The following CACNA2D2 variants were observed in gnomAD, a reference collection of about 807,000 sequenced individuals.
The protein encoded by CACNA2D2 is calcium voltage-gated channel auxiliary subunit alpha2delta 2, also known as voltage-dependent calcium channel subunit alpha-2/delta-2.
In CACNA2D2, 48 loss-of-function variants were observed where a neutral mutation model predicts 166.4. The observed-to-expected ratio is 0.29, with a 90% CI of 0.23 to 0.37. The LOEUF (loss-of-function observed/expected upper bound fraction) is 0.37. CACNA2D2 is among the 10% of genes least tolerant of loss of function. The probability of loss-of-function intolerance (pLI) is 1.00; values close to 1 mark genes in which losing one functional copy is unlikely to be tolerated. For missense variants in CACNA2D2, 1,122 were observed against 1,433.0 expected (o/e 0.78, Z 3.50); for synonymous variants, 561 against 573.7 (o/e 0.98, Z 0.32).
At chr3:50,449,861 C>G (rs1418193841) in intron 2 of CACNA2D2, among the ~76,000 whole-genome samples, 1 of 152,176 alleles carries the variant, frequency 6.6e-6, no homozygotes, top group Admixed American at 6.5e-5. Flanking sequence ...GGAGAGAGAC[C>G]TAGGGCTGGG....
At chr3:50,364,829 G>C in intron 37 of CACNA2D2, 23 bp from the exon 38 acceptor site, 5 of 1,612,998 alleles carry the variant, frequency 3.1e-6, no homozygotes, top group Non-Finnish European at 3.4e-6. Flanking sequence ...ACAAGGAGCT[G>C]GTCGGCCTGG....
In CACNA2D2 at chr3:50,427,745, G is replaced by C; in HGVS notation, c.405+6568C>G. On this transcript the variant is annotated intron_variant, in intron 3 of 37. Transcript: ENST00000424201. This position sits in a 1 kb window ranked among gnomAD's most constrained non-coding sequence, Gnocchi z 4.7. ...GAGGCTGAGCCCCAGCCACAACCCAGAGCCACAGCGCTGGCAACTGTTCTA... is the reference window on the plus strand; with the variant it reads ...GAGGCTGAGCCCCAGCCACAACCCACAGCCACAGCGCTGGCAACTGTTCTA... Among the ~76,000 whole-genome samples the C allele has an allele frequency of 6.6e-6, 1 of 152,336 alleles. No homozygotes were observed. Among genetic ancestry groups the C allele is most frequent in the East Asian group, 1.9e-4 (1 of 5,184 alleles).
At chr3:50,446,608 C>T (rs538404652) in intron 2 of CACNA2D2, among the ~76,000 whole-genome samples, 8 of 152,204 alleles carry the variant, frequency 5.3e-5, no homozygotes, top group East Asian at 1.9e-4. Context: ...TGAAAGTCAG[C>T]GGGGTCAGCT....
intron 2 of CACNA2D2, among the ~76,000 whole-genome samples, chr3:50,461,359 T>C (rs1389381835): frequency 1.3e-5 from 2 of 152,172 alleles, no homozygotes; most frequent in African/African-American, 4.8e-5. Flanking sequence ...AAATCTCTGT[T>C]GAGCGTTGGG....
intron 3 of CACNA2D2, among the ~76,000 whole-genome samples, chr3:50,410,880 ATG>A (rs143016186): frequency 6.6e-6 from 1 of 152,068 alleles, no homozygotes; most frequent in Non-Finnish European, 1.5e-5. Flanking sequence ...GAGAAGGAGG[ATG>A]TGTGTGTGTG....
chr3:50,440,690 A>T (rs1349528777), intron 2 of CACNA2D2, among the ~76,000 whole-genome samples: 2 of 152,116 alleles, frequency 1.3e-5, no homozygotes, highest in African/African-American at 4.8e-5. Flanking sequence ...GCGGCCCATT[A>T]ATAGCACTAT....
Position 50,394,101 on chromosome 3 carries a change from G to A in CACNA2D2, c.465+8C>T. 6.2e-7 allele frequency: 1 copy of A among 1,613,810 alleles called. No individual in the cohort carries two copies. Among genetic ancestry groups the A allele is most frequent in the South Asian group, 1.1e-5 (1 of 91,078 alleles). ...CCTAAGTGCTGGGCAGGGTGCTGGG[G>A]TTCCTACCTTGATGTTGTCCTGCCA... On this transcript the variant is annotated splice_region_variant and intron_variant, in intron 4 of 37. Coordinates refer to ENST00000424201, the MANE Select transcript of CACNA2D2 (RefSeq NM_006030.4).
chr3:50,447,922 T>G (rs1385493114), intron 2 of CACNA2D2, among the ~76,000 whole-genome samples: 1 of 152,126 alleles, frequency 6.6e-6, no homozygotes, highest in Non-Finnish European at 1.5e-5. Context: ...CACAGAGGTC[T>G]AAGCAGGGAG....
chr3:50,379,046 G>A lies in CACNA2D2; in HGVS notation c.1260+46C>T, dbSNP rs1433506074. 6.2e-7 allele frequency: 1 copy of A among 1,613,470 alleles called. No homozygotes were observed. Among genetic ancestry groups the A allele is most frequent in the Admixed American group, 1.7e-5 (1 of 60,030 alleles). On this transcript the variant is annotated intron_variant, in intron 12 of 37. Coordinates refer to ENST00000424201, the MANE Select transcript of CACNA2D2 (RefSeq NM_006030.4). This position sits in a 1 kb window ranked among gnomAD's most constrained non-coding sequence, Gnocchi z 6.5. Reference sequence around the variant, plus strand: ...GGCCACCAGGGGACAGCCCTCTTCTGTACTGGGCCCAGGTCAGGGTAGCCC... The same window carrying A: ...GGCCACCAGGGGACAGCCCTCTTCTATACTGGGCCCAGGTCAGGGTAGCCC...
chr3:50,423,522 G>C (rs905703821), intron 3 of CACNA2D2, among the ~76,000 whole-genome samples: 2 of 152,188 alleles, frequency 1.3e-5, no homozygotes, highest in Admixed American at 1.3e-4. Context: ...GCAGTCCTGT[G>C]GGATGAATAT....
At chr3:50,475,575 C>G (rs967833919) in intron 2 of CACNA2D2, among the ~76,000 whole-genome samples, 4 of 152,228 alleles carry the variant, frequency 2.6e-5, no homozygotes, top group Non-Finnish European at 5.9e-5. Context: ...CTTCACATCA[C>G]TATTTCAAAC....
chr3:50,497,376 TG>T (rs1698767078), intron 1 of CACNA2D2, among the ~76,000 whole-genome samples: 1 of 152,190 alleles, frequency 6.6e-6, no homozygotes, highest in South Asian at 2.1e-4. Context: ...TCACCTAAGA[TG>T]GGGGCTTTCA....
intron 1 of CACNA2D2, among the ~76,000 whole-genome samples, chr3:50,496,824 G>A (rs951857618): frequency 2.6e-5 from 4 of 152,188 alleles, no homozygotes; most frequent in Non-Finnish European, 5.9e-5. Context: ...ACGAAGAGGG[G>A]GCTTGTTCAG....
chr3:50,410,259 G>A (rs1463906522), intron 3 of CACNA2D2, among the ~76,000 whole-genome samples: 1 of 152,222 alleles, frequency 6.6e-6, no homozygotes, highest in African/African-American at 2.4e-5. Flanking sequence ...CATCCCCTCA[G>A]AAGGCTGGGC....
intron 1 of CACNA2D2, among the ~76,000 whole-genome samples, chr3:50,478,071 C>T (rs1697873856): frequency 2.0e-5 from 3 of 152,080 alleles, no homozygotes. Context: ...AAATCAACAT[C>T]AAAAGAAAGA....
chr3:50,412,865 G>A (rs377664461), intron 3 of CACNA2D2, among the ~76,000 whole-genome samples: 1 of 152,128 alleles, frequency 6.6e-6, no homozygotes, highest in Non-Finnish European at 1.5e-5. Context: ...GGGACTCATG[G>A]TCAGAGATGT....
intron 2 of CACNA2D2, among the ~76,000 whole-genome samples, chr3:50,454,432 C>G (rs554046546): frequency 2.3e-4 from 35 of 152,222 alleles, no homozygotes; most frequent in Non-Finnish European, 4.9e-4. Flanking sequence ...CAGCCACCCC[C>G]AACCTGGCCT....
chr3:50,432,203 G>T (rs1007359326), intron 3 of CACNA2D2, among the ~76,000 whole-genome samples: 5 of 152,084 alleles, frequency 3.3e-5, no homozygotes, highest in Admixed American at 1.3e-4. Flanking sequence ...TTCCTTTAGG[G>T]GTGGGGGAAG....
At chr3:50,503,158 C>G in intron 1 of CACNA2D2, 60 bp downstream of exon 1, 1 of 1,029,398 alleles carries the variant, frequency 9.7e-7, no homozygotes, top group African/African-American at 1.7e-5. Flanking sequence ...TAGCGCGGAC[C>G]GGGGGCAGAG....
Sources: allele counts gnomAD v4.1 joint callset (sites outside exome capture counted in the v4.1 genomes callset), GRCh38; gene constraint gnomAD v4.1.1; non-coding constraint Gnocchi (gnomAD v3.1); transcripts MANE v1.5; gene names NCBI Gene and HGNC (gene_info 2026-07-23, HGNC 2026-07-21).